The following SV2C variants were observed in gnomAD, a reference collection of about 807,000 sequenced individuals.
SV2C encodes solute carrier family 22 member B3.
SV2C carries 49 observed loss-of-function variants against 79.7 expected under a neutral mutation model. The ratio of observed to expected loss-of-function variants is 0.61; its 90% CI spans 0.49 to 0.78. The LOEUF (loss-of-function observed/expected upper bound fraction) is 0.78. Ranked by LOEUF, SV2C falls within the 30% of genes least tolerant of loss-of-function variation. The pLI is 0.00. For synonymous variants in SV2C, 334 were observed against 333.2 expected, an observed-to-expected ratio of 1.00 and a Z score of -0.03; for missense variants, 833 against 912.9, an observed-to-expected ratio of 0.91 and a Z score of 1.13.
At chr5:75,945,426 C>G in the SV2C span, among the ~76,000 whole-genome samples, 1 of 151,916 alleles carries the variant, frequency 6.6e-6, no homozygotes, top group Non-Finnish European at 1.5e-5. Flanking sequence ...ATCCTCCCAC[C>G]TCAGCCTCCC....
the SV2C span, among the ~76,000 whole-genome samples, chr5:75,848,278 C>T: frequency 4.6e-5 from 7 of 152,216 alleles, no homozygotes; most frequent in Non-Finnish European, 8.8e-5. Flanking sequence ...GAGCCCTGCT[C>T]AAGGTCACAT....
At chr5:75,883,844 TA>T in the SV2C span, among the ~76,000 whole-genome samples, 121 of 141,410 alleles carry the variant, frequency 8.6e-4, no homozygotes, top group African/African-American at 1.9e-3. Flanking sequence ...TAATAATATT[TA>T]AAAAAAAAAC....
At chr5:76,224,527 A>T (rs1745183941) in intron 4 of SV2C, among the ~76,000 whole-genome samples, 1 of 152,186 alleles carries the variant, frequency 6.6e-6, no homozygotes, top group Non-Finnish European at 1.5e-5. Flanking sequence ...ACCTGTAGGG[A>T]CATAAAAATC....
chr5:75,988,901 A>G, the SV2C span, among the ~76,000 whole-genome samples: 1 of 151,942 alleles, frequency 6.6e-6, no homozygotes, highest in African/African-American at 2.4e-5. Flanking sequence ...AGACGGTACC[A>G]GATGAATCTG....
intron 4 of SV2C, among the ~76,000 whole-genome samples, chr5:76,233,728 A>G (rs1745515291): frequency 6.6e-6 from 1 of 151,002 alleles, no homozygotes; most frequent in African/African-American, 2.5e-5. Context: ...CTCTGTTTAT[A>G]TGCTGGATTA....
At chr5:76,230,562 G>A (rs773059219) in intron 4 of SV2C, among the ~76,000 whole-genome samples, 76 of 152,184 alleles carry the variant, frequency 5.0e-4, no homozygotes, top group Non-Finnish European at 2.8e-4. Context: ...AGGCCAAGGC[G>A]GGTGGATCAC....
the SV2C span, among the ~76,000 whole-genome samples, chr5:75,993,280 T>C: frequency 6.6e-6 from 1 of 152,036 alleles, no homozygotes; most frequent in African/African-American, 2.4e-5. Context: ...TCACAAAACA[T>C]TGTAACATTT....
intron 12 of SV2C, among the ~76,000 whole-genome samples, chr5:76,312,414 AGCTAAT>A (rs1459917975): frequency 6.6e-6 from 1 of 152,040 alleles, no homozygotes; most frequent in East Asian, 1.9e-4. Context: ...CACCACTCCC[AGCTAAT>A]TTTTGTATTT....
the SV2C span, among the ~76,000 whole-genome samples, chr5:75,872,313 A>T: frequency 6.6e-6 from 1 of 151,976 alleles, no homozygotes; most frequent in Non-Finnish European, 1.5e-5. Context: ...AATAAAAATT[A>T]TAAAAATTCT....
At position 76,095,365 on chromosome 5, in the gene SV2C, A is replaced by G. The variant is rs144068181; in HGVS notation, c.-102+11853A>G. On this transcript the variant is annotated intron_variant, in intron 1 of 12. Transcript: ENST00000502798. ...ATTAATTAACAAATCAGTTTCTTCA[A>G]TAAAGGCTATCCAGAGTTTCAGTTT... 2.4e-3 allele frequency among the ~76,000 whole-genome samples: 360 copies of G among 152,190 alleles called. 3 individuals carry two copies. The highest frequency in any genetic ancestry group is 8.3e-3 in the African/African-American group (343 of 41,564).
At chr5:76,310,425 G>C (rs1748391501) in intron 12 of SV2C, among the ~76,000 whole-genome samples, 1 of 152,228 alleles carries the variant, frequency 6.6e-6, no homozygotes, top group Non-Finnish European at 1.5e-5. Flanking sequence ...TGAGGTGGGA[G>C]TGTGAGAGAC....
intron 1 of SV2C, among the ~76,000 whole-genome samples, chr5:76,112,032 C>T (rs949044179): frequency 1.3e-5 from 2 of 152,294 alleles, no homozygotes; most frequent in East Asian, 3.8e-4. Flanking sequence ...CTTTGCTTAA[C>T]TTAGTGTTTT....
At chr5:76,304,428 G>T (rs1375643269) in intron 12 of SV2C, among the ~76,000 whole-genome samples, 2 of 152,190 alleles carry the variant, frequency 1.3e-5, no homozygotes, top group Admixed American at 6.5e-5. Flanking sequence ...ATCCCAACCA[G>T]TTGAGACACT....
At chr5:76,132,397 T>C in intron 2 of SV2C, 67 bp downstream of exon 2, 2 of 1,445,998 alleles carry the variant, frequency 1.4e-6, no homozygotes, top group South Asian at 2.8e-5. Context: ...GTTATCAACA[T>C]AGAGAATAAA....
At chr5:76,257,604 T>C (rs1015144202) in intron 4 of SV2C, among the ~76,000 whole-genome samples, 1 of 150,712 alleles carries the variant, frequency 6.6e-6, no homozygotes, top group Non-Finnish European at 1.5e-5. Flanking sequence ...GTGTCTATAG[T>C]GTCAGCAGAT....
At chr5:75,934,885 C>CTTT in the SV2C span, among the ~76,000 whole-genome samples, 365 of 143,036 alleles carry the variant, frequency 2.6e-3, 2 homozygotes, top group African/African-American at 8.9e-3. Flanking sequence ...GCAAAGTTAA[C>CTTT]TTTTTTTTTT....
the SV2C span, among the ~76,000 whole-genome samples, chr5:75,982,345 C>T: frequency 6.6e-6 from 1 of 151,878 alleles, no homozygotes; most frequent in Non-Finnish European, 1.5e-5. Context: ...TACACATGGC[C>T]AACAATCATA....
At position 76,300,862 on chromosome 5, in the gene SV2C, A is replaced by G. The variant is rs377041405; in HGVS notation, c.1770A>G (p.Thr590=). ...TTTATTTTGTCAACTTTCTGGGGAC[A>G]TTGGCAGTATTGCCAGGGAACATTG... ...YWIYFVNFLG[T]LAVLPGNIVS... is the part of the protein sequence containing the mutation. The change falls in exon 11 of 13, where the codon ACA becomes ACG. Residue 590 remains threonine, a synonymous_variant. Coordinates refer to ENST00000502798, the MANE Select transcript of SV2C (RefSeq NM_014979.4). The G allele has an allele frequency of 2.1e-5, 34 of 1,614,054 alleles. No homozygotes were observed. Among genetic ancestry groups the G allele is most frequent in the Non-Finnish European group, 2.7e-5 (32 of 1,180,006 alleles).
chr5:76,037,558 G>C, the SV2C span, among the ~76,000 whole-genome samples: 9 of 152,140 alleles, frequency 5.9e-5, no homozygotes, highest in Admixed American at 1.3e-4. Flanking sequence ...TAGGCTGCTC[G>C]GGGGTCAGGG....
Sources: gnomAD v4.1 joint callset for allele counts (sites outside exome capture counted in the v4.1 genomes callset) on GRCh38, gnomAD v4.1.1 for gene constraint, MANE v1.5 for transcripts, NCBI Gene and HGNC (gene_info 2026-07-23, HGNC 2026-07-21) for gene names.